Variants in ADAMTSL1 observed in about 807,000 individuals in gnomAD.
ADAMTSL1 encodes the protein ADAMTS like 1.
In ADAMTSL1, 126 loss-of-function variants were observed where a neutral mutation model predicts 201.8. The ratio of observed to expected loss-of-function variants is 0.62; its 90% CI spans 0.54 to 0.72. The LOEUF (loss-of-function observed/expected upper bound fraction) is 0.72. ADAMTSL1 is among the 30% of genes least tolerant of loss of function. The probability of loss-of-function intolerance (pLI) is 0.00; values close to 1 mark genes in which losing one functional copy is unlikely to be tolerated. For missense variants in ADAMTSL1, 2,679 were observed against 2,277.8 expected (o/e 1.18, Z -3.59); for synonymous variants, 1,121 against 903.4 (o/e 1.24, Z -4.32).
At chr9:18,161,296 G>T (rs1232738366) in intron 1 of ADAMTSL1, among the ~76,000 whole-genome samples, 1 of 151,854 alleles carries the variant, frequency 6.6e-6, no homozygotes, top group African/African-American at 2.4e-5. Flanking sequence ...TATTTAATTG[G>T]TTTAGCAAAA....
intron 1 of ADAMTSL1, among the ~76,000 whole-genome samples, chr9:17,931,379 T>G (rs1826780026): frequency 6.6e-6 from 1 of 152,252 alleles, no homozygotes; most frequent in Middle Eastern, 3.4e-3. Context: ...TCAATTGTAT[T>G]GAGGAGCTTT....
At chr9:18,480,800 GT>G (rs1319137632) in intron 1 of ADAMTSL1, among the ~76,000 whole-genome samples, 1 of 152,184 alleles carries the variant, frequency 6.6e-6, no homozygotes, top group East Asian at 1.9e-4. Context: ...GTGATAAGTA[GT>G]TGGGGGTATG....
chr9:18,251,171 A>G (rs1400767204), intron 2 of ADAMTSL1, among the ~76,000 whole-genome samples: 1 of 152,176 alleles, frequency 6.6e-6, no homozygotes, highest in Non-Finnish European at 1.5e-5. Flanking sequence ...TGAAAATGTG[A>G]TGTAGAAAAT....
At chr9:18,877,703 G>T (rs1034658876) in intron 23 of ADAMTSL1, among the ~76,000 whole-genome samples, 2 of 152,134 alleles carry the variant, frequency 1.3e-5, no homozygotes, top group South Asian at 2.1e-4. Context: ...TTTTGTGTTT[G>T]TTGACCTCCA....
intron 3 of ADAMTSL1, among the ~76,000 whole-genome samples, chr9:18,565,093 T>C (rs1215929247): frequency 6.6e-6 from 1 of 152,206 alleles, no homozygotes; most frequent in African/African-American, 2.4e-5. Context: ...TGGCAAACCA[T>C]TTGTTTTCAG....
At chr9:18,839,648 C>T (rs995296533) in intron 23 of ADAMTSL1, among the ~76,000 whole-genome samples, 8 of 152,176 alleles carry the variant, frequency 5.3e-5, no homozygotes, top group Non-Finnish European at 2.9e-5. Flanking sequence ...ACAGTCCCAC[C>T]AACAGTGTAA....
At chr9:18,315,680 T>G (rs547799608) in intron 2 of ADAMTSL1, among the ~76,000 whole-genome samples, 16 of 152,038 alleles carry the variant, frequency 1.1e-4, no homozygotes, top group Non-Finnish European at 2.1e-4. Context: ...ACGAGCTCTG[T>G]TTGCAGCCCC....
intron 1 of ADAMTSL1, among the ~76,000 whole-genome samples, chr9:18,142,113 G>C (rs1826425278): frequency 6.6e-6 from 1 of 152,122 alleles, no homozygotes; most frequent in Admixed American, 6.5e-5. Flanking sequence ...AATAGCTTTA[G>C]AAACAAGAGC....
intron 1 of ADAMTSL1, among the ~76,000 whole-genome samples, chr9:17,935,647 T>C (rs184770017): frequency 1.5e-4 from 23 of 152,296 alleles, no homozygotes; most frequent in Admixed American, 3.9e-4. Flanking sequence ...AAAAACGTAG[T>C]TGTTCTTGAC....
At chr9:18,877,541 T>C (rs574606497) in intron 23 of ADAMTSL1, among the ~76,000 whole-genome samples, 283 of 152,294 alleles carry the variant, frequency 1.9e-3, no homozygotes, top group Non-Finnish European at 3.5e-3. Context: ...GGCTTCTGGC[T>C]GGTACTGAGG....
At chr9:17,934,664 C>T (rs966594882) in intron 1 of ADAMTSL1, among the ~76,000 whole-genome samples, 2 of 152,066 alleles carry the variant, frequency 1.3e-5, no homozygotes, top group Non-Finnish European at 2.9e-5. Flanking sequence ...TTTCCCTATC[C>T]CTCATAGCTT....
At chr9:18,182,659 A>G (rs140944026) in intron 2 of ADAMTSL1, among the ~76,000 whole-genome samples, 9 of 152,336 alleles carry the variant, frequency 5.9e-5, no homozygotes, top group South Asian at 4.1e-4. Context: ...GCAGCAGCAC[A>G]CATTTATTAT....
intron 2 of ADAMTSL1, among the ~76,000 whole-genome samples, chr9:18,370,436 T>A (rs543671108): frequency 6.6e-6 from 1 of 152,216 alleles, no homozygotes; most frequent in Non-Finnish European, 1.5e-5. Context: ...AAAACCTGCA[T>A]ATGTACCCCC....
intron 2 of ADAMTSL1, among the ~76,000 whole-genome samples, chr9:18,247,604 A>T (rs1831312434): frequency 6.6e-6 from 1 of 152,168 alleles, no homozygotes; most frequent in Admixed American, 6.5e-5. Flanking sequence ...ATTTTATTTT[A>T]TTGATTGATT....
chr9:18,668,077 T>C (rs1456758945), intron 9 of ADAMTSL1, among the ~76,000 whole-genome samples: 2 of 150,848 alleles, frequency 1.3e-5, no homozygotes, highest in Admixed American at 6.6e-5. Context: ...GGTTGACTTA[T>C]TTAGCAATTA....
chr9:18,076,789 G>C (rs1308191150), intron 1 of ADAMTSL1, among the ~76,000 whole-genome samples: 1 of 152,108 alleles, frequency 6.6e-6, no homozygotes, highest in African/African-American at 2.4e-5. Flanking sequence ...GTACATTATT[G>C]ATACATATCA....
At chr9:18,536,291 C>T (rs1438060935) in intron 3 of ADAMTSL1, among the ~76,000 whole-genome samples, 1 of 152,112 alleles carries the variant, frequency 6.6e-6, no homozygotes, top group Admixed American at 6.5e-5. Context: ...TCTTTAATCC[C>T]TGGACAGCTT....
intron 2 of ADAMTSL1, among the ~76,000 whole-genome samples, chr9:18,299,028 A>T (rs554646430): frequency 1.4e-5 from 2 of 141,538 alleles, no homozygotes; most frequent in East Asian, 4.0e-4. Flanking sequence ...AAAAAATAAT[A>T]ATAATAATAA....
intron 2 of ADAMTSL1, among the ~76,000 whole-genome samples, chr9:18,511,381 G>C (rs1818014313): frequency 6.6e-6 from 1 of 151,786 alleles, no homozygotes; most frequent in Non-Finnish European, 1.5e-5. Context: ...AGCAAAAAAT[G>C]ATCTTCTTAT....
Sources: gnomAD v4.1 joint callset for allele counts (sites outside exome capture counted in the v4.1 genomes callset) on GRCh38, gnomAD v4.1.1 for gene constraint, MANE v1.5 for transcripts, NCBI Gene and HGNC (gene_info 2026-07-23, HGNC 2026-07-21) for gene names.